PON3: variants seen among roughly 807,000 people sequenced by gnomAD.
The protein encoded by PON3 is paraoxonase 3.
PON3 carries 37 observed loss-of-function variants against 36.3 expected under a neutral mutation model. The ratio of observed to expected loss-of-function variants is 1.02; its 90% CI spans 0.78 to 1.34. The LOEUF is 1.34. Among genes scored for constraint, PON3 ranks in the 40% most tolerant of loss-of-function variants. PON3 has a pLI of 0.00. For missense variants in PON3, 415 were observed against 426.5 expected (o/e 0.97, Z 0.24); for synonymous variants, 155 against 154.8 (o/e 1.00, Z -0.01).
chr7:95,363,921 T>G lies in PON3; in HGVS notation c.637A>C (p.Lys213Gln). 1 of 1,613,860 alleles carries G rather than the reference T, an allele frequency of 6.2e-7. No homozygotes were observed. The highest frequency in any genetic ancestry group is 8.5e-7 in the Non-Finnish European group (1 of 1,179,772). The part of the protein sequence containing the change: ...YVLFYSPREV[K>Q]VVAKGFCSAN... ...CTACAAAATCCTTTGGCCACCACTT[T>G]AACCTCCCTTGGGCTGTAGAAAAGA... is the stretch of plus-strand genomic sequence containing the variant. Residue 213 changes from lysine (K) to glutamine (Q), a missense_variant, in exon 6 of 9, where the codon AAA becomes CAA. Transcript: ENST00000265627.
chr7:95,360,186 G>T (rs1167075439), intron 8 of PON3, 55 bp from the exon 9 acceptor site: 1 of 1,459,808 alleles, frequency 6.9e-7, no homozygotes. Context: ...CCTGTTTCAT[G>T]ATGTCCTTCC....
intron 1 of PON3, chr7:95,396,000 A>C: frequency 2.1e-6 from 1 of 473,026 alleles, no homozygotes. Flanking sequence ...CACGTTCAGA[A>C]AGTAAAAGGG....
intron 3 of PON3, among the ~76,000 whole-genome samples, chr7:95,376,006 A>G (rs935476241): frequency 6.6e-6 from 1 of 152,220 alleles, no homozygotes; most frequent in Non-Finnish European, 1.5e-5. Context: ...GCCTGGTAGT[A>G]TGTTCGGTGT....
At chr7:95,395,490 C>A (rs1809409115) in intron 1 of PON3, among the ~76,000 whole-genome samples, 1 of 152,090 alleles carries the variant, frequency 6.6e-6, no homozygotes, top group Non-Finnish European at 1.5e-5. Flanking sequence ...CAATAAAACT[C>A]TCAAACTGGA....
intron 2 of PON3, 125 bp downstream of exon 2, chr7:95,394,519 G>A (rs1290492601): frequency 2.5e-5 from 20 of 795,118 alleles, no homozygotes; most frequent in Middle Eastern, 3.2e-4. Flanking sequence ...CAGAGTGGAC[G>A]GGGCAGATGT....
At position 95,367,362 on chromosome 7, in the gene PON3, C is replaced by G; in HGVS notation, c.494G>C (p.Ser165Thr). 6.2e-7 allele frequency: 1 copy of G among 1,611,968 alleles called. No individual in the cohort carries two copies. The highest frequency in any genetic ancestry group is 8.5e-7 in the Non-Finnish European group (1 of 1,179,620). The change falls in exon 5 of 9, where the codon AGT becomes ACT. Residue 165 changes from serine (S) to threonine (T), a missense_variant and splice_region_variant. Transcript: ENST00000265627. ...ACCGCACAATACTTTCATTCCATAC[C>G]TTTTGAGAAGTTCATGTTTTATAGT... is the stretch of plus-strand genomic sequence containing the variant. ...LKTIKHELLKSVNDIVVLGPE... is the reference protein window; with the variant it reads ...LKTIKHELLKTVNDIVVLGPE...
chr7:95,387,146 C>A (rs901408190), intron 3 of PON3, among the ~76,000 whole-genome samples: 5 of 152,074 alleles, frequency 3.3e-5, no homozygotes, highest in Admixed American at 6.5e-5. Flanking sequence ...GGCAATTGGA[C>A]AAGAGAAAGA....
intron 3 of PON3, 63 bp from the exon 4 acceptor site, chr7:95,372,401 A>G (rs920323174): frequency 1.3e-5 from 20 of 1,548,322 alleles, no homozygotes; most frequent in Non-Finnish European, 1.8e-5. Context: ...TTCATAAGGA[A>G]TTTAAAATCT....
At chr7:95,385,521 G>A (rs1206053529) in intron 3 of PON3, among the ~76,000 whole-genome samples, 1 of 151,972 alleles carries the variant, frequency 6.6e-6, no homozygotes, top group East Asian at 1.9e-4. Flanking sequence ...GAGACAGAAG[G>A]TTAATAAGGA....
chr7:95,378,763 T>C (rs928676031), intron 3 of PON3, among the ~76,000 whole-genome samples: 3 of 152,070 alleles, frequency 2.0e-5, no homozygotes, highest in East Asian at 1.9e-4. Context: ...GCACTAAACA[T>C]GGAAAGGAAC....
intron 3 of PON3, among the ~76,000 whole-genome samples, chr7:95,379,141 T>G (rs1036294132): frequency 3.4e-5 from 5 of 149,024 alleles, no homozygotes; most frequent in Non-Finnish European, 7.4e-5. Context: ...AACTAACAAA[T>G]ATCAAAAGAG....
chr7:95,382,836 T>G (rs1809092697), intron 3 of PON3, among the ~76,000 whole-genome samples: 1 of 152,160 alleles, frequency 6.6e-6, no homozygotes, highest in Admixed American at 6.5e-5. Context: ...GAGGGAATCC[T>G]CCCTAACTCA....
chr7:95,368,545 A>G (rs1808745081), intron 4 of PON3, among the ~76,000 whole-genome samples: 1 of 152,212 alleles, frequency 6.6e-6, no homozygotes, highest in Admixed American at 6.5e-5. Flanking sequence ...CACTTGTGCT[A>G]GCCTGATTTC....
intron 1 of PON3, 169 bp from the exon 2 acceptor site, chr7:95,394,883 CAT>C: frequency 1.5e-6 from 1 of 675,488 alleles, no homozygotes; most frequent in Admixed American, 2.1e-5. Flanking sequence ...ATAATGTAGA[CAT>C]TATGTGGGTA....
intron 5 of PON3, chr7:95,364,494 G>C (rs1808647119): frequency 4.0e-6 from 1 of 250,190 alleles, no homozygotes; most frequent in Admixed American, 5.2e-5. Context: ...AATGAAATGA[G>C]GTGAGTGGCT....
At chr7:95,389,022 G>T (rs530411895) in intron 3 of PON3, among the ~76,000 whole-genome samples, 1 of 152,124 alleles carries the variant, frequency 6.6e-6, no homozygotes, top group South Asian at 2.1e-4. Flanking sequence ...AAACCAGCAT[G>T]GCACATGTAT....
chr7:95,370,057 G>A (rs2116387232), intron 4 of PON3, among the ~76,000 whole-genome samples: 1 of 152,296 alleles, frequency 6.6e-6, no homozygotes, highest in African/African-American at 2.4e-5. Flanking sequence ...GGAGGAGAAT[G>A]GTTTCCAGTG....
chr7:95,385,918 G>A (rs1425169472), intron 3 of PON3, among the ~76,000 whole-genome samples: 2 of 111,232 alleles, frequency 1.8e-5, no homozygotes, highest in Non-Finnish European at 4.2e-5. Flanking sequence ...TTAAAGCAGT[G>A]TGTAGAGGGG....
chr7:95,383,397 A>G (rs1459643164), intron 3 of PON3, among the ~76,000 whole-genome samples: 1 of 152,192 alleles, frequency 6.6e-6, no homozygotes, highest in African/African-American at 2.4e-5. Context: ...CAATTAGGAA[A>G]AGAGGAAGTC....
Sources: gnomAD v4.1 joint callset for allele counts (sites outside exome capture counted in the v4.1 genomes callset) on GRCh38, gnomAD v4.1.1 for gene constraint, MANE v1.5 for transcripts, NCBI Gene and HGNC (gene_info 2026-07-23, HGNC 2026-07-21) for gene names.